The following ZC3H12B variants were observed in gnomAD, a reference collection of about 807,000 sequenced individuals.
The protein encoded by ZC3H12B is zinc finger CCCH-type containing 12B.
ZC3H12B carries 7 observed loss-of-function variants against 43.9 expected under a neutral mutation model. That is an observed-to-expected ratio of 0.16 (90% CI 0.09 to 0.30). ZC3H12B has a LOEUF of 0.30. Ranked by LOEUF, ZC3H12B falls within the 10% of genes least tolerant of loss-of-function variation. The pLI, the probability that ZC3H12B is intolerant of heterozygous loss-of-function variation, is 1.00. For missense variants in ZC3H12B, 475 were observed against 670.2 expected (o/e 0.71, Z 3.22); for synonymous variants, 222 against 241.7 (o/e 0.92, Z 0.76).
At chrX:65,215,011 T>C in the ZC3H12B span, among the ~76,000 whole-genome samples, 1 of 111,494 alleles carries the variant, frequency 9.0e-6, no homozygotes, top group South Asian at 3.7e-4. Flanking sequence ...GCAGTAATAT[T>C]TCCAAAAGAA....
At chrX:65,288,526 G>T in the ZC3H12B span, among the ~76,000 whole-genome samples, 3 of 112,367 alleles carry the variant, frequency 2.7e-5, no homozygotes, top group Non-Finnish European at 5.6e-5. Flanking sequence ...AATGTGATAC[G>T]TCACATGACA....
intron 3 of ZC3H12B, among the ~76,000 whole-genome samples, chrX:65,473,516 T>A (rs914043299): frequency 8.9e-6 from 1 of 112,285 alleles, no homozygotes; most frequent in Admixed American, 9.5e-5. Context: ...ATTTTAACAT[T>A]TAACAATATT....
At chrX:65,202,482 A>G in the ZC3H12B span, among the ~76,000 whole-genome samples, 12 of 109,889 alleles carry the variant, frequency 1.1e-4, no homozygotes, top group Non-Finnish European at 2.3e-4. Flanking sequence ...GGCTTTGCAT[A>G]CTCAGATTAC....
At chrX:65,362,170 G>T (rs981444421), upstream of ZC3H12B, among the ~76,000 whole-genome samples, 2 of 111,789 alleles carry the variant, frequency 1.8e-5, no homozygotes, top group Non-Finnish European at 3.8e-5. Flanking sequence ...AGATCTTCTC[G>T]GCTTAGTGGC....
chrX:65,464,588 TTC>T (rs1175085067), intron 3 of ZC3H12B, among the ~76,000 whole-genome samples: 1 of 111,171 alleles, frequency 9.0e-6, no homozygotes, highest in Non-Finnish European at 1.9e-5. Context: ...TATTGATTTA[TTC>T]TGTTTTATTA....
chrX:65,137,859 C>T, the ZC3H12B span, among the ~76,000 whole-genome samples: 4 of 112,704 alleles, frequency 3.5e-5, no homozygotes, highest in Middle Eastern at 4.2e-3. Flanking sequence ...GACGGAGTCT[C>T]GCTCTATTGC....
chrX:65,385,430 T>C (rs1319168011), intron 2 of ZC3H12B, among the ~76,000 whole-genome samples: 4 of 111,671 alleles, frequency 3.6e-5, no homozygotes, highest in Admixed American at 9.6e-5. Context: ...GGGAGTTCAC[T>C]CATGATTTGG....
the ZC3H12B span, among the ~76,000 whole-genome samples, chrX:65,163,100 A>G: frequency 5.4e-5 from 6 of 110,907 alleles, no homozygotes; most frequent in Admixed American, 5.7e-4. Context: ...TGAACCGTGA[A>G]TGCTGCTGTC....
At chrX:65,330,142 T>A in the ZC3H12B span, among the ~76,000 whole-genome samples, 1 of 111,733 alleles carries the variant, frequency 8.9e-6, no homozygotes, top group Admixed American at 9.5e-5. Context: ...CCTTGGGCAG[T>A]ATGGCCATTT....
the ZC3H12B span, among the ~76,000 whole-genome samples, chrX:65,244,744 A>G: frequency 8.3e-5 from 9 of 108,109 alleles, no homozygotes; most frequent in Non-Finnish European, 1.5e-4. Context: ...AAAAAAAAAA[A>G]AAAAAAAGAA....
At chrX:65,195,876 G>A in the ZC3H12B span, among the ~76,000 whole-genome samples, 1 of 112,155 alleles carries the variant, frequency 8.9e-6, no homozygotes, top group Non-Finnish European at 1.9e-5. Flanking sequence ...GTTTGCTTTA[G>A]GCCTGGAACC....
chrX:65,371,334 T>A (rs1418736158), intron 2 of ZC3H12B, among the ~76,000 whole-genome samples: 2 of 111,570 alleles, frequency 1.8e-5, no homozygotes, highest in African/African-American at 6.5e-5. Context: ...CATACTAAAT[T>A]AAGTAATTGA....
At chrX:65,242,303 C>T in the ZC3H12B span, among the ~76,000 whole-genome samples, 1 of 111,815 alleles carries the variant, frequency 8.9e-6, no homozygotes, top group African/African-American at 3.3e-5. Context: ...TTCTAATTTG[C>T]CATTTTGGCT....
At chrX:65,262,145 T>A in the ZC3H12B span, among the ~76,000 whole-genome samples, 1 of 111,334 alleles carries the variant, frequency 9.0e-6, no homozygotes, top group Non-Finnish European at 1.9e-5. Context: ...TATAACCTAC[T>A]ATATAATCAA....
chrX:65,221,264 A>G, the ZC3H12B span, among the ~76,000 whole-genome samples: 1 of 112,071 alleles, frequency 8.9e-6, no homozygotes, highest in Non-Finnish European at 1.9e-5. Flanking sequence ...AAAAGCAGAA[A>G]TAGACAATCT....
the ZC3H12B span, among the ~76,000 whole-genome samples, chrX:65,109,570 AC>A: frequency 8.9e-6 from 1 of 111,767 alleles, no homozygotes; most frequent in Non-Finnish European, 1.9e-5. Flanking sequence ...TTATAGATGT[AC>A]TACATGTAGT....
chrX:65,258,947 G>C, the ZC3H12B span, among the ~76,000 whole-genome samples: 1 of 111,874 alleles, frequency 8.9e-6, no homozygotes. Context: ...AGCATTCCGT[G>C]CTCATGGATA....
the ZC3H12B span, among the ~76,000 whole-genome samples, chrX:65,315,805 C>G: frequency 8.9e-6 from 1 of 111,814 alleles, no homozygotes; most frequent in African/African-American, 3.3e-5. Flanking sequence ...ACAGCAATGG[C>G]TCTTAACAAG....
intron 3 of ZC3H12B, among the ~76,000 whole-genome samples, chrX:65,429,395 C>G (rs1261878189): frequency 1.8e-5 from 2 of 112,729 alleles, no homozygotes; most frequent in Non-Finnish European, 3.8e-5. Context: ...GCCCCATCCC[C>G]CATGCACTCC....
Sources: gnomAD v4.1 joint callset for allele counts (sites outside exome capture counted in the v4.1 genomes callset) on GRCh38, gnomAD v4.1.1 for gene constraint, MANE v1.5 for transcripts, NCBI Gene and HGNC (gene_info 2026-07-23, HGNC 2026-07-21) for gene names.